ZNF212: variants seen among roughly 807,000 people sequenced by gnomAD.
ZNF212 encodes zinc finger protein 212, also known as Zinc finger protein C2H2-150.
A neutral mutation model predicts 47.3 loss-of-function variants in ZNF212; 32 were observed. That is an observed-to-expected ratio of 0.68 (90% CI 0.51 to 0.91). The LOEUF (loss-of-function observed/expected upper bound fraction) is 0.91. Among genes scored for constraint, ZNF212 ranks in the 40% least tolerant of loss-of-function variants. The pLI is 0.00. For missense variants in ZNF212, 555 were observed against 622.8 expected (o/e 0.89, Z 1.16); for synonymous variants, 242 against 253.8 (o/e 0.95, Z 0.44).
Position 149,239,754 on chromosome 7 carries a change from T to TG in ZNF212, c.-22dup. 1 of 1,279,718 alleles carries TG rather than the reference T, an allele frequency of 7.8e-7. No homozygotes were observed. The highest frequency in any genetic ancestry group is 9.9e-7 in the Non-Finnish European group (1 of 1,006,436). 79.3% of individuals were successfully genotyped at this position (1,279,718 alleles called of 1,614,324 possible). A position where few individuals can be genotyped will look rare whatever the true frequency, so the allele number is the denominator to read the frequency against. The stretch of plus-strand genomic sequence containing the variant: ...AGCACGGGGGCTCCGAGGCGGGGTC[T>TG]GGGTGTTGAGGGGCGACTGGAGCCA... On this transcript the variant is annotated 5_prime_UTR_variant, in exon 1 of 5. An upstream open reading frame in the 5' UTR gains an earlier in-frame stop. Transcript: ENST00000335870.
chr7:149,246,157 C>A (rs1796673192), intron 1 of ZNF212, among the ~76,000 whole-genome samples: 2 of 152,154 alleles, frequency 1.3e-5, no homozygotes, highest in South Asian at 4.1e-4. Context: ...TACAAATATT[C>A]TCTCCTTGTT....
At chr7:149,251,861 TTGGGAGGCCAAGG>T (rs1194507459) in intron 3 of ZNF212, among the ~76,000 whole-genome samples, 16 of 150,586 alleles carry the variant, frequency 1.1e-4, no homozygotes, top group Admixed American at 6.6e-4. Flanking sequence ...TCCCAACACT[TTGGGAGGCCAAGG>T]TGGGAGGATA....
chr7:149,240,029 C>A, intron 1 of ZNF212: 1 of 448,030 alleles, frequency 2.2e-6, no homozygotes, highest in Non-Finnish European at 3.7e-6. Context: ...GCGCCCTTGC[C>A]CAGAAACTTC....
rs759656556 is a variant in ZNF212 at position 149,254,391 on chromosome 7, C to T, written c.1464C>T (p.Pro488=). 56 of 1,603,426 alleles carry T rather than the reference C, an allele frequency of 3.5e-5. No individual in the cohort carries two copies. The South Asian group carries it at 4.6e-4, about 13-fold the overall frequency. The change falls in exon 5 of 5, where the codon CCC becomes CCT. Residue 488 remains proline, a synonymous_variant. Coordinates refer to ENST00000335870, the MANE Select transcript of ZNF212 (RefSeq NM_012256.4). The surrounding 1 kb of genome is among the most constrained non-coding windows in gnomAD (Gnocchi z 4.5). The part of the protein sequence containing the change: ...QRERGGLALE[P]GRPNGLL ...AGCGGGGTGGGCTGGCCCTGGAGCC[C>T]GGAAGGCCCAATGGCCTGCTTTAAG...
Position 149,252,687 on chromosome 7 carries a change from TG to T in ZNF212, c.542-18del, listed in dbSNP as rs772186454. The stretch of plus-strand genomic sequence containing the variant: ...CTTTCACTCTCTCCTGGGCTCACAC[TG>T]TGCTGTTTCCCACCCAGAGGTCCTT... On this transcript the variant is annotated intron_variant, in intron 3 of 4. Transcript: ENST00000335870. The T allele has an allele frequency of 1.9e-6, 3 of 1,613,324 alleles. 1 individual carries two copies. In the South Asian group the frequency reaches 3.3e-5, roughly 18 times the overall value.
chr7:149,246,500 A>G (rs1796679033), intron 1 of ZNF212, among the ~76,000 whole-genome samples: 1 of 151,902 alleles, frequency 6.6e-6, no homozygotes, highest in African/African-American at 2.4e-5. Context: ...CTCTCGCCTC[A>G]ACCTCCCAAG....
At chr7:149,239,829 G>C (rs1585588619) in intron 1 of ZNF212, 27 bp downstream of exon 1, 1 of 1,269,254 alleles carries the variant, frequency 7.9e-7, no homozygotes, top group Non-Finnish European at 1.0e-6. Context: ...GCGCTGGCTC[G>C]AGGGCGCGTT....
Position 149,254,701 on chromosome 7 carries a change from C to A in ZNF212, c.*286C>A. The stretch of plus-strand genomic sequence containing the variant: ...TGGGCTGGGGTTGGCGTTCTGACCC[C>A]ACAGGGACTGGTGGCTGGTTCCAGG... On this transcript the variant is annotated 3_prime_UTR_variant, in exon 5 of 5. Transcript: ENST00000335870. This position sits in a 1 kb window ranked among gnomAD's most constrained non-coding sequence, Gnocchi z 4.5. 2.5e-6 allele frequency: 1 copy of A among 397,568 alleles called. No homozygotes were observed. Among genetic ancestry groups the A allele is most frequent in the Non-Finnish European group, 4.5e-6 (1 of 224,230 alleles). The allele number at this position is 397,568 out of a possible 1,614,324, so 24.6% of individuals were successfully genotyped here. A position where few individuals can be genotyped will look rare whatever the true frequency, so the allele number is the denominator to read the frequency against.
Position 149,254,205 on chromosome 7 carries a change from C to T in ZNF212, c.1278C>T (p.Ser426=), listed in dbSNP as rs756177138. The change falls in exon 5 of 5, where the codon TCC becomes TCT. Residue 426 remains serine, a synonymous_variant. Transcript: ENST00000335870. The surrounding 1 kb of genome is among the most constrained non-coding windows in gnomAD (Gnocchi z 4.5). ...GHIPWRKSRS[S]LICGYCGKSF... is the part of the protein sequence containing the mutation. The stretch of plus-strand genomic sequence containing the variant: ...TCCCTTGGAGGAAAAGCCGGAGTTC[C>T]CTCATCTGTGGTTACTGTGGCAAGA... 4 of 1,614,246 alleles carry T rather than the reference C, an allele frequency of 2.5e-6. No individual in the cohort carries two copies. Among genetic ancestry groups the T allele is most frequent in the Non-Finnish European group, 8.5e-7 (1 of 1,180,034 alleles).
At chr7:149,244,319 TA>T in intron 1 of ZNF212, among the ~76,000 whole-genome samples, 1 of 152,282 alleles carries the variant, frequency 6.6e-6, no homozygotes, top group Middle Eastern at 3.4e-3. Context: ...TTTTTATTTT[TA>T]TTTTTTTTCT....
chr7:149,253,920 G>A lies in ZNF212; in HGVS notation c.993G>A (p.Leu331=), dbSNP rs1226193258. The A allele has an allele frequency of 6.2e-7, 1 of 1,613,872 alleles. No individual in the cohort carries two copies. Among genetic ancestry groups the A allele is most frequent in the East Asian group, 2.2e-5 (1 of 44,900 alleles). Residue 331 remains leucine (L), a synonymous_variant, in exon 5 of 5, where the codon CTG becomes CTA. Coordinates refer to ENST00000335870, the MANE Select transcript of ZNF212 (RefSeq NM_012256.4). ...CEITFRYKQQ[L]ATHLRSHSGW... ...TCACCTTCCGCTATAAGCAGCAGCT[G>A]GCCACACATCTGCGCAGCCACTCTG...
Position 149,239,734 on chromosome 7 carries a change from G to T in ZNF212, c.-45G>T, listed in dbSNP as rs368453182. ...CGCCGAGCGGACAGGAACGCAGCAC[G>T]GGGGCTCCGAGGCGGGGTCTGGGTG... On this transcript the variant is annotated 5_prime_UTR_variant, in exon 1 of 5. Transcript: ENST00000335870. 5.6e-5 allele frequency: 72 copies of T among 1,278,276 alleles called. No homozygotes were observed. The highest frequency in any genetic ancestry group is 6.7e-5 in the Non-Finnish European group (67 of 1,006,796). 79.2% of individuals were successfully genotyped at this position (1,278,276 alleles called of 1,614,324 possible).
At chr7:149,252,421 G>A (rs1301782580) in intron 3 of ZNF212, among the ~76,000 whole-genome samples, 1 of 152,208 alleles carries the variant, frequency 6.6e-6, no homozygotes. Flanking sequence ...AGAGGCAGAG[G>A]TGGGTGGTGG....
At chr7:149,249,620 A>G (rs373448903) in intron 1 of ZNF212, among the ~76,000 whole-genome samples, 1 of 152,046 alleles carries the variant, frequency 6.6e-6, no homozygotes, top group African/African-American at 2.4e-5. Context: ...AAATTCAAAC[A>G]GCTTCTTTCT....
intron 1 of ZNF212, among the ~76,000 whole-genome samples, chr7:149,244,354 C>T (rs964572569): frequency 6.6e-6 from 1 of 152,006 alleles, no homozygotes; most frequent in African/African-American, 2.4e-5. Flanking sequence ...TCTCTGTTGC[C>T]CAGACTGGAG....
Position 149,254,451 on chromosome 7 carries a change from G to A in ZNF212, c.*36G>A, listed in dbSNP as rs751998051. On this transcript the variant is annotated 3_prime_UTR_variant, in exon 5 of 5. Transcript: ENST00000335870. This position sits in a 1 kb window ranked among gnomAD's most constrained non-coding sequence, Gnocchi z 4.5. ...CCTCGCCCGTCTGGGGGATGGAGGGGGGTGGCATTGGTTCCCCCGAAGAGA... is the reference window on the plus strand; with the variant it reads ...CCTCGCCCGTCTGGGGGATGGAGGGAGGTGGCATTGGTTCCCCCGAAGAGA... 8 of 1,548,872 alleles carry A rather than the reference G, an allele frequency of 5.2e-6. No individual in the cohort carries two copies. The East Asian group carries it at 1.3e-4, about 26-fold the overall frequency.
At chr7:149,240,382 A>ACCCCCCCCCCCACCCCCCCCCCCCCCC (rs71194632) in intron 1 of ZNF212, among the ~76,000 whole-genome samples, 1 of 109,436 alleles carries the variant, frequency 9.1e-6, no homozygotes. Flanking sequence ...TCTCTCCTTC[A>ACCCCCCCCCCCACCCCCCCCCCCCCCC]CCCCCCCCCC....
In ZNF212 at chr7:149,239,976, C is replaced by A. The variant is rs190586162; in HGVS notation, c.24+174C>A. 3.1e-3 allele frequency: 2,265 copies of A among 727,486 alleles called. 9 individuals carry two copies. Among genetic ancestry groups the A allele is most frequent in the Non-Finnish European group, 3.3e-3 (1,713 of 523,554 alleles). 45.1% of individuals were successfully genotyped at this position (727,486 alleles called of 1,614,324 possible). A position where few individuals can be genotyped will look rare whatever the true frequency, so the allele number is the denominator to read the frequency against. On this transcript the variant is annotated intron_variant, in intron 1 of 4. Coordinates refer to ENST00000335870, the MANE Select transcript of ZNF212 (RefSeq NM_012256.4). Reference sequence around the variant, plus strand: ...CGACCCCAGTGCTCTGCCCTTTTTTCCCTCCGCTTCCTTCTGCAGCGGGGT... The same window carrying A: ...CGACCCCAGTGCTCTGCCCTTTTTTACCTCCGCTTCCTTCTGCAGCGGGGT...
intron 3 of ZNF212, among the ~76,000 whole-genome samples, 163 bp downstream of exon 3, chr7:149,250,970 C>G (rs1178458239): frequency 6.6e-6 from 1 of 152,042 alleles, no homozygotes; most frequent in African/African-American, 2.4e-5. Flanking sequence ...ATTTACAGAC[C>G]TGCACGGGTG....
Sources: gnomAD v4.1 joint callset for allele counts (sites outside exome capture counted in the v4.1 genomes callset) on GRCh38, gnomAD v4.1.1 for gene constraint, Gnocchi (gnomAD v3.1) non-coding constraint, MANE v1.5 for transcripts, NCBI Gene and HGNC (gene_info 2026-07-23, HGNC 2026-07-21) for gene names.